Variants in H6PD observed in about 807,000 individuals in gnomAD.
H6PD encodes GDH/6PGL endoplasmic bifunctional protein.
H6PD carries 48 observed loss-of-function variants against 61.2 expected under a neutral mutation model. That is an observed-to-expected ratio of 0.78 (90% CI 0.62 to 1.00). The LOEUF (loss-of-function observed/expected upper bound fraction) is 1.00. H6PD is among the 50% of genes least tolerant of loss of function. The pLI, the probability that H6PD is intolerant of heterozygous loss-of-function variation, is 0.00. For missense variants in H6PD, 1,093 were observed against 1,065.0 expected (o/e 1.03, Z -0.37); for synonymous variants, 480 against 457.9 (o/e 1.05, Z -0.62).
chr1:9,244,287 T>C (rs1641093005), intron 1 of H6PD, among the ~76,000 whole-genome samples: 1 of 152,210 alleles, frequency 6.6e-6, no homozygotes, highest in Non-Finnish European at 1.5e-5. Context: ...ATTACCCCCA[T>C]TTCAGGTGAG....
chr1:9,237,131 G>A (rs1221017837), intron 1 of H6PD, among the ~76,000 whole-genome samples: 1 of 151,914 alleles, frequency 6.6e-6, no homozygotes, highest in African/African-American at 2.4e-5. Context: ...TGCCATTCAG[G>A]GATGTAGTCA....
rs966845420 is a variant in H6PD at position 9,264,881 on chromosome 1, C to G, written c.*12C>G. On this transcript the variant is annotated 3_prime_UTR_variant, in exon 5 of 5. Coordinates refer to ENST00000377403, the MANE Select transcript of H6PD (RefSeq NM_004285.4). ...CCTTCCTGGGATGAGGGCGCCTGTGCCCCTTGCCCGCTTCGCTCCTGTGCT... is the reference window on the plus strand; with the variant it reads ...CCTTCCTGGGATGAGGGCGCCTGTGGCCCTTGCCCGCTTCGCTCCTGTGCT... 1 of 1,610,444 alleles carries G rather than the reference C, an allele frequency of 6.2e-7. No homozygotes were observed. The highest frequency in any genetic ancestry group is 8.5e-7 in the Non-Finnish European group (1 of 1,179,904).
At chr1:9,256,454 T>C (rs564747263) in intron 3 of H6PD, among the ~76,000 whole-genome samples, 9 of 152,148 alleles carry the variant, frequency 5.9e-5, no homozygotes. Flanking sequence ...GGTGCTGCTG[T>C]CGGGAATGGC....
intron 1 of H6PD, among the ~76,000 whole-genome samples, chr1:9,235,742 C>CTG (rs1640832841): frequency 6.6e-6 from 1 of 152,132 alleles, no homozygotes; most frequent in Non-Finnish European, 1.5e-5. Context: ...TCCGGGGTAG[C>CTG]TGGGACCACA....
chr1:9,245,264 A>C lies in H6PD; in HGVS notation c.330A>C (p.Gln110His). Reference sequence around the variant, plus strand: ...TCCTGCAGCTGAGCCAGTACCGCCAACTGAAGACGGCCGAGGACTATCAGG... The same window carrying C: ...TCCTGCAGCTGAGCCAGTACCGCCACCTGAAGACGGCCGAGGACTATCAGG... ...DQFLQLSQYR[Q>H]LKTAEDYQAL... is the part of the protein sequence containing the mutation. Residue 110 changes from glutamine (Q) to histidine (H), a missense_variant, in exon 2 of 5, where the codon CAA becomes CAC. Gln to His is a conservative substitution (Grantham distance 24). Transcript: ENST00000377403. The surrounding 1 kb of genome is among the most constrained non-coding windows in gnomAD (Gnocchi z 4.8). 6.2e-7 allele frequency: 1 copy of C among 1,614,180 alleles called. No individual in the cohort carries two copies. Among genetic ancestry groups the C allele is most frequent in the Non-Finnish European group, 8.5e-7 (1 of 1,180,028 alleles).
intron 3 of H6PD, among the ~76,000 whole-genome samples, chr1:9,260,075 T>C (rs1312379832): frequency 6.6e-6 from 1 of 152,188 alleles, no homozygotes; most frequent in African/African-American, 2.4e-5. Flanking sequence ...TCCGGTGTTG[T>C]TACGTTGCTG....
At position 9,264,067 on chromosome 1, in the gene H6PD, A is replaced by C. The variant is rs777328720; in HGVS notation, c.1574A>C (p.Gln525Pro). ...AGCGGCCGGTTGTTCTTTTCCCAGC[A>C]GCAGCCGGAGCAGCTGGTGCCAGGG... The part of the protein sequence containing the change: ...FSSGRLFFSQ[Q>P]QPEQLVPGPG... Residue 525 changes from glutamine (Q) to proline (P), a missense_variant, in exon 5 of 5, where the codon CAG becomes CCG. By Grantham distance (76) the Gln-to-Pro change is moderately conservative. Transcript: ENST00000377403. 2 of 1,614,044 alleles carry C rather than the reference A, an allele frequency of 1.2e-6. No individual in the cohort carries two copies. Among genetic ancestry groups the C allele is most frequent in the Non-Finnish European group, 1.7e-6 (2 of 1,179,990 alleles).
intron 1 of H6PD, among the ~76,000 whole-genome samples, chr1:9,237,236 C>CTCTTTTTTTTTTTTTTTTT (rs1419535641): frequency 1.4e-5 from 1 of 71,084 alleles, no homozygotes; most frequent in African/African-American, 5.0e-5. Context: ...TTTGACTTCT[C>CTCTTTTTTTTTTTTTTTTT]TTTTTTTTTT....
intron 3 of H6PD, among the ~76,000 whole-genome samples, chr1:9,252,588 A>G (rs147027607): frequency 1.2e-4 from 19 of 152,368 alleles, no homozygotes; most frequent in African/African-American, 4.3e-4. Context: ...TACAATGCAC[A>G]TACCACAAAA....
chr1:9,235,541 G>T (rs1557732454), intron 1 of H6PD, among the ~76,000 whole-genome samples: 1 of 152,184 alleles, frequency 6.6e-6, no homozygotes, highest in Non-Finnish European at 1.5e-5. Flanking sequence ...AAAGGCAGCA[G>T]ATGAGGGAAA....
At chr1:9,239,614 T>A (rs1640940118) in intron 1 of H6PD, among the ~76,000 whole-genome samples, 1 of 152,220 alleles carries the variant, frequency 6.6e-6, no homozygotes, top group Non-Finnish European at 1.5e-5. Flanking sequence ...CAAATGATCT[T>A]TAGTTTGAAC....
intron 4 of H6PD, among the ~76,000 whole-genome samples, chr1:9,262,630 T>C (rs1008756275): frequency 1.3e-5 from 2 of 152,198 alleles, no homozygotes; most frequent in Non-Finnish European, 2.9e-5. Context: ...ACCTGGTTCC[T>C]GCCTCATAGG....
intron 4 of H6PD, among the ~76,000 whole-genome samples, chr1:9,262,820 G>A (rs1638369971): frequency 6.6e-6 from 1 of 152,340 alleles, no homozygotes; most frequent in East Asian, 1.9e-4. Context: ...TGTTGAGCAC[G>A]CGCCGTATGC....
rs986956707 is a variant in H6PD, at chr1:9,271,226, G to A, written c.*6357G>A. Reference sequence around the variant, plus strand: ...TGGGATTACAGGCGGGAGCCACCATGCCTGGCCAGAACAAATGCCTTTTTA... The same window carrying A: ...TGGGATTACAGGCGGGAGCCACCATACCTGGCCAGAACAAATGCCTTTTTA... On this transcript the variant is annotated 3_prime_UTR_variant, in exon 5 of 5. Coordinates refer to ENST00000377403, the MANE Select transcript of H6PD (RefSeq NM_004285.4). 6.6e-6 allele frequency: 1 copy of A among 152,198 alleles called. No individual in the cohort carries two copies. The highest frequency in any genetic ancestry group is 2.4e-5 in the African/African-American group (1 of 41,436). The allele number at this position is 152,198 out of a possible 1,614,324, so 9.4% of individuals were successfully genotyped here.
At chr1:9,240,210 C>A (rs1400629957) in intron 1 of H6PD, among the ~76,000 whole-genome samples, 1 of 152,142 alleles carries the variant, frequency 6.6e-6, no homozygotes, top group Admixed American at 6.6e-5. Flanking sequence ...GTATTTCTGG[C>A]AAGTATCTTA....
rs1451746210 is a variant in H6PD at position 9,245,154 on chromosome 1, C to T, written c.220C>T (p.Gln74Ter). Residue 74 changes from glutamine to a stop codon, truncating the protein, a stop_gained, in exon 2 of 5, where the codon CAA becomes TAA. Transcript: ENST00000377403. LOFTEE classifies it high-confidence loss of function. The surrounding 1 kb of genome is among the most constrained non-coding windows in gnomAD (Gnocchi z 4.8). ...TGCTCTGACAGCCCCCAAGCAGGGT[C>T]AAGAGCTCATGGCCAAGGCCCTGGA... ...GAALTAPKQGQELMAKALESL... is the reference protein window; with the variant it reads ...GAALTAPKQG 1.6e-5 allele frequency: 26 copies of T among 1,614,100 alleles called. No individual in the cohort carries two copies. Among genetic ancestry groups the T allele is most frequent in the Non-Finnish European group, 2.2e-5 (26 of 1,180,040 alleles).
chr1:9,241,397 A>T (rs937177804), intron 1 of H6PD, among the ~76,000 whole-genome samples: 1 of 151,372 alleles, frequency 6.6e-6, no homozygotes, highest in African/African-American at 2.4e-5. Flanking sequence ...TGATTTATTT[A>T]TTTATTTTAT....
chr1:9,250,865 C>T (rs758652329), intron 3 of H6PD, among the ~76,000 whole-genome samples: 6 of 152,252 alleles, frequency 3.9e-5, no homozygotes, highest in Non-Finnish European at 7.3e-5. Context: ...GGCTCCCTCC[C>T]CTCCATCCTC....
intron 3 of H6PD, among the ~76,000 whole-genome samples, chr1:9,259,539 G>GTTACACTAGTA (rs1641646808): frequency 6.6e-6 from 1 of 152,094 alleles, no homozygotes; most frequent in Non-Finnish European, 1.5e-5. Context: ...TTATGTGGTT[G>GTTACACTAGTA]TTACACTAGT....
Sources: allele counts gnomAD v4.1 joint callset (sites outside exome capture counted in the v4.1 genomes callset), GRCh38; gene constraint gnomAD v4.1.1; non-coding constraint Gnocchi (gnomAD v3.1); transcripts MANE v1.5; gene names NCBI Gene and HGNC (gene_info 2026-07-23, HGNC 2026-07-21).